CACNG4: variants seen among roughly 807,000 people sequenced by gnomAD.
CACNG4 encodes voltage-dependent calcium channel gamma-4 subunit.
CACNG4 carries 8 observed loss-of-function variants against 22.9 expected under a neutral mutation model. That is an observed-to-expected ratio of 0.35 (90% confidence interval 0.21 to 0.63). The LOEUF is 0.63. Ranked by LOEUF, CACNG4 falls within the 30% of genes least tolerant of loss-of-function variation. The pLI is 0.72. For missense variants in CACNG4, 357 were observed against 455.4 expected, an observed-to-expected ratio of 0.78 and a Z score of 1.97; for synonymous variants, 188 against 191.9, an observed-to-expected ratio of 0.98 and a Z score of 0.17.
In CACNG4 at chr17:67,030,511, C is replaced by G; in HGVS notation, c.491C>G (p.Thr164Arg). 1 of 1,614,166 alleles carries G rather than the reference C, an allele frequency of 6.2e-7. No individual in the cohort carries two copies. Among genetic ancestry groups the G allele is most frequent in the Non-Finnish European group, 8.5e-7 (1 of 1,180,038 alleles). ...IGIIVYISSN[T>R]GDPSDKRDED... is the part of the protein sequence containing the mutation. ...ATCATCGTCTACATTTCCAGCAACA[C>G]AGGTGACCCGAGTGACAAGCGGGAC... Residue 164 changes from threonine (T) to arginine (R), a missense_variant, in exon 4 of 4, where the codon ACA (threonine) becomes AGA (arginine). Coordinates refer to ENST00000262138, the MANE Select transcript of CACNG4 (RefSeq NM_014405.4). This position sits in a 1 kb window ranked among gnomAD's most constrained non-coding sequence, Gnocchi z 6.4.
At chr17:67,002,048 G>A (rs535820671) in intron 1 of CACNG4, among the ~76,000 whole-genome samples, 1 of 151,770 alleles carries the variant, frequency 6.6e-6, no homozygotes, top group East Asian at 2.0e-4. Context: ...GTATGGGAGT[G>A]TATTCATCCA....
At position 67,030,796 on chromosome 17, in the gene CACNG4, C is replaced by T. The variant is rs1481510444; in HGVS notation, c.776C>T (p.Ser259Leu). The change falls in exon 4 of 4, where the codon TCG becomes TTG. Residue 259 changes from serine to leucine, a missense_variant. Ser to Leu is a moderately radical substitution (Grantham distance 145). Around this residue, in one of 3 missense-constraint regions of CACNG4, gnomAD observed 240 missense variants for 277.6 expected, o/e 0.86. Transcript: ENST00000262138. The surrounding 1 kb of genome is among the most constrained non-coding windows in gnomAD (Gnocchi z 6.4). Reference protein sequence around the residue: ...STEASPSRDVSPMGLKITGAI... With the variant: ...STEASPSRDVLPMGLKITGAI... ...GAGGCCTCGCCCTCCAGGGACGTGT[C>T]GCCCATGGGCCTGAAGATCACAGGG... 12 of 1,614,120 alleles carry T rather than the reference C, an allele frequency of 7.4e-6. No homozygotes were observed. Among genetic ancestry groups the T allele is most frequent in the Admixed American group, 1.7e-5 (1 of 60,024 alleles).
rs932358745 is a variant in CACNG4, at chr17:67,030,803, G to C, written c.783G>C (p.Met261Ile). The C allele has an allele frequency of 3.1e-6, 5 of 1,614,080 alleles. No homozygotes were observed. Among genetic ancestry groups the C allele is most frequent in the Middle Eastern group, 1.6e-4 (1 of 6,062 alleles). The change falls in exon 4 of 4, where the codon ATG (methionine) becomes ATC (isoleucine). Residue 261 changes from methionine to isoleucine, a missense_variant. Met to Ile is a conservative substitution (Grantham distance 10). This residue lies in a region of CACNG4 where 240 missense variants were observed against 277.6 expected (regional missense o/e 0.86). Coordinates refer to ENST00000262138, the MANE Select transcript of CACNG4 (RefSeq NM_014405.4). The surrounding 1 kb of genome is among the most constrained non-coding windows in gnomAD (Gnocchi z 6.4). ...EASPSRDVSP[M>I]GLKITGAIPM... Reference sequence around the variant, plus strand: ...CGCCCTCCAGGGACGTGTCGCCCATGGGCCTGAAGATCACAGGGGCCATCC... The same window carrying C: ...CGCCCTCCAGGGACGTGTCGCCCATCGGCCTGAAGATCACAGGGGCCATCC...
At chr17:67,020,854 C>T (rs189167006) in intron 2 of CACNG4, among the ~76,000 whole-genome samples, 5 of 152,234 alleles carry the variant, frequency 3.3e-5, no homozygotes, top group Admixed American at 6.5e-5. Flanking sequence ...AGGTCTCTGG[C>T]GGCTGATATT....
At chr17:66,997,269 A>T (rs1176055744) in intron 1 of CACNG4, among the ~76,000 whole-genome samples, 2 of 152,164 alleles carry the variant, frequency 1.3e-5, no homozygotes, top group African/African-American at 4.8e-5. Flanking sequence ...GGCATCAAGG[A>T]TGTGGAATTC....
In CACNG4 at chr17:67,025,019, C is replaced by G. The variant is rs760565655; in HGVS notation, c.445+19C>G. 1.3e-6 allele frequency: 2 copies of G among 1,572,628 alleles called. No homozygotes were observed. The highest frequency in any genetic ancestry group is 1.7e-6 in the Non-Finnish European group (2 of 1,163,320). ...GCTGCAGGTGAGCCGCCCGCCCGGG[C>G]TGGTGCTGGGCCGGGAGCTGGGGAC... On this transcript the variant is annotated intron_variant, in intron 3 of 3. Transcript: ENST00000262138.
intron 1 of CACNG4, among the ~76,000 whole-genome samples, chr17:67,005,532 A>G (rs1270674436): frequency 6.6e-6 from 1 of 152,182 alleles, no homozygotes; most frequent in Non-Finnish European, 1.5e-5. Context: ...ACGAGCTTTG[A>G]TCTCCAGGTT....
rs974327882 is a variant in CACNG4 at position 67,027,234 on chromosome 17, C to T, written c.445+2234C>T. Among the ~76,000 whole-genome samples the T allele has an allele frequency of 3.9e-5, 6 of 152,232 alleles. No homozygotes were observed. Among genetic ancestry groups the T allele is most frequent in the African/African-American group, 1.2e-4 (5 of 41,450 alleles). ...CCAAAGCCCTTCGAGGTGCCCCCTG[C>T]AGCTGCCCGTGCCCCCAGGAGGAGC... On this transcript the variant is annotated intron_variant, in intron 3 of 3. Coordinates refer to ENST00000262138, the MANE Select transcript of CACNG4 (RefSeq NM_014405.4). The surrounding 1 kb of genome is among the most constrained non-coding windows in gnomAD (Gnocchi z 4.3).
At chr17:66,991,618 A>T (rs1048544904) in intron 1 of CACNG4, among the ~76,000 whole-genome samples, 1 of 152,106 alleles carries the variant, frequency 6.6e-6, no homozygotes, top group South Asian at 2.1e-4. Flanking sequence ...GCCTGCGAGG[A>T]TGTGTGTCAG....
At chr17:66,999,759 G>A (rs941809354) in intron 1 of CACNG4, among the ~76,000 whole-genome samples, 3 of 152,122 alleles carry the variant, frequency 2.0e-5, no homozygotes, top group Admixed American at 6.5e-5. Flanking sequence ...TGACACGTGG[G>A]AATACAATCC....
At chr17:66,968,249 T>G (rs1213382488) in intron 1 of CACNG4, among the ~76,000 whole-genome samples, 1 of 152,150 alleles carries the variant, frequency 6.6e-6, no homozygotes, top group Non-Finnish European at 1.5e-5. Flanking sequence ...TGGGTTGCCA[T>G]TAAAAATAGA....
chr17:66,971,869 C>T (rs1237656369), intron 1 of CACNG4, among the ~76,000 whole-genome samples: 1 of 152,132 alleles, frequency 6.6e-6, no homozygotes. Context: ...GGTGCTATTG[C>T]AGAACTTCGG....
intron 1 of CACNG4, among the ~76,000 whole-genome samples, chr17:67,011,902 C>T (rs777190759): frequency 1.6e-4 from 25 of 152,144 alleles, no homozygotes; most frequent in Non-Finnish European, 3.1e-4. Context: ...CCAGCCAATC[C>T]GAGGCTGCCT....
intron 2 of CACNG4, 112 bp from the exon 3 acceptor site, chr17:67,024,748 T>C: frequency 8.2e-7 from 1 of 1,212,370 alleles, no homozygotes; most frequent in East Asian, 2.8e-5. Context: ...GAATCTCAAA[T>C]CCTGGGGAAG....
At chr17:67,029,588 C>T (rs754389113) in intron 3 of CACNG4, among the ~76,000 whole-genome samples, 5 of 152,134 alleles carry the variant, frequency 3.3e-5, no homozygotes, top group African/African-American at 7.2e-5. Flanking sequence ...GAGCCGAGAT[C>T]GCGCCACTGC....
intron 3 of CACNG4, among the ~76,000 whole-genome samples, chr17:67,028,106 CAAG>C (rs1476671401): frequency 6.6e-6 from 1 of 152,124 alleles, no homozygotes; most frequent in Non-Finnish European, 1.5e-5. Flanking sequence ...ACAGAAGAGA[CAAG>C]GAGTTGAAAC....
intron 1 of CACNG4, among the ~76,000 whole-genome samples, chr17:66,985,135 C>T (rs1301749046): frequency 1.3e-5 from 2 of 152,062 alleles, no homozygotes; most frequent in African/African-American, 4.8e-5. Context: ...CTGGGGGGCT[C>T]CCACCACCCG....
chr17:67,025,062 G>A (rs778396726), intron 3 of CACNG4, 62 bp downstream of exon 3: 56 of 1,467,860 alleles, frequency 3.8e-5, no homozygotes, highest in Non-Finnish European at 4.4e-5. Flanking sequence ...TGCCTGTCTC[G>A]TGTGGTCCCC....
chr17:66,987,722 G>A (rs1481698498), intron 1 of CACNG4, among the ~76,000 whole-genome samples: 1 of 152,146 alleles, frequency 6.6e-6, no homozygotes, highest in Non-Finnish European at 1.5e-5. Context: ...CCAAGGAAGA[G>A]GGGGCGAAAT....
Sources: allele counts gnomAD v4.1 joint callset (sites outside exome capture counted in the v4.1 genomes callset), GRCh38; gene constraint gnomAD v4.1.1; regional missense constraint gnomAD v4.1.1; non-coding constraint Gnocchi (gnomAD v3.1); transcripts MANE v1.5; gene names NCBI Gene and HGNC (gene_info 2026-07-23, HGNC 2026-07-21).